The following ART4 variants were observed in gnomAD, a reference collection of about 807,000 sequenced individuals.
The protein encoded by ART4 is ecto-ADP-ribosyltransferase 4.
In ART4, 14 loss-of-function variants were observed where a neutral mutation model predicts 24.2. The observed-to-expected ratio is 0.58, with a 90% CI of 0.38 to 0.90. The LOEUF (loss-of-function observed/expected upper bound fraction) is 0.90. Ranked by LOEUF, ART4 falls within the 40% of genes least tolerant of loss-of-function variation. The pLI is 0.00. For synonymous variants in ART4, 145 were observed against 139.9 expected (o/e 1.04, Z -0.26); for missense variants, 356 against 366.6 (o/e 0.97, Z 0.24).
At chr12:14,836,959 G>T (rs1164978041) in intron 2 of ART4, among the ~76,000 whole-genome samples, 2 of 152,052 alleles carry the variant, frequency 1.3e-5, no homozygotes, top group Non-Finnish European at 2.9e-5. Context: ...GAATCACCAA[G>T]ATCACTATTC....
Position 14,831,045 on chromosome 12 carries a change from C to T in ART4, c.854-1583G>A, listed in dbSNP as rs541134414. Among the ~76,000 whole-genome samples the T allele has an allele frequency of 2.6e-5, 4 of 151,986 alleles. No homozygotes were observed. The South Asian group carries it at 6.2e-4, about 24-fold the overall frequency. ...GAGCTTAAGGGTCTCTGTTAGGCCA[C>T]ACAGTAAGTGACAGAGCCAGTATTT... On this transcript the variant is annotated intron_variant, in intron 2 of 2. Coordinates refer to ENST00000228936, the MANE Select transcript of ART4 (RefSeq NM_021071.4).
Position 14,828,791 on chromosome 12 carries a change from A to C in ART4, c.*580T>G, listed in dbSNP as rs1410849646. 6.6e-6 allele frequency: 1 copy of C among 152,196 alleles called. No homozygotes were observed. The highest frequency in any genetic ancestry group is 2.1e-4 in the South Asian group (1 of 4,828). The allele number at this position is 152,196 out of a possible 1,614,324, so 9.4% of individuals were successfully genotyped here. ...CAAAGTTGGATCCAGAGGCTTATAC[A>C]TTCTCATCAGGTCTCAGTTTCTTTT... On this transcript the variant is annotated 3_prime_UTR_variant, in exon 3 of 3. Coordinates refer to ENST00000228936, the MANE Select transcript of ART4 (RefSeq NM_021071.4).
chr12:14,839,368 C>G (rs1291159629), intron 2 of ART4, among the ~76,000 whole-genome samples: 2 of 152,294 alleles, frequency 1.3e-5, no homozygotes, highest in Non-Finnish European at 2.9e-5. Flanking sequence ...TATGCTGTGT[C>G]TTAGTCTGTT....
At chr12:14,836,786 C>T (rs369472181) in intron 2 of ART4, among the ~76,000 whole-genome samples, 6 of 152,162 alleles carry the variant, frequency 3.9e-5, no homozygotes, top group South Asian at 2.1e-4. Context: ...CAGATAGTTT[C>T]GTAGCTGTGG....
chr12:14,833,993 C>T (rs1950412810), intron 2 of ART4, among the ~76,000 whole-genome samples: 1 of 152,202 alleles, frequency 6.6e-6, no homozygotes, highest in Non-Finnish European at 1.5e-5. Context: ...TATCCCACTT[C>T]CATGTGCAAA....
At position 14,836,231 on chromosome 12, in the gene ART4, A is replaced by T. The variant is rs560479380; in HGVS notation, c.853+4214T>A. 3.3e-5 allele frequency among the ~76,000 whole-genome samples: 5 copies of T among 152,254 alleles called. No individual in the cohort carries two copies. In the East Asian group the frequency reaches 9.6e-4, roughly 29 times the overall value. ...TACAATTTTTTCTTTCTTTCTATTA[A>T]GTTGAGAACTTTAAACTTTTCATTC... On this transcript the variant is annotated intron_variant, in intron 2 of 2. Coordinates refer to ENST00000228936, the MANE Select transcript of ART4 (RefSeq NM_021071.4).
At chr12:14,830,777 G>T (rs1396214243) in intron 2 of ART4, among the ~76,000 whole-genome samples, 1 of 144,022 alleles carries the variant, frequency 6.9e-6, no homozygotes, top group Non-Finnish European at 1.5e-5. Flanking sequence ...TAATTTTCAA[G>T]ACCTCAATTT....
At chr12:14,837,703 C>T (rs1337017952) in intron 2 of ART4, among the ~76,000 whole-genome samples, 2 of 151,990 alleles carry the variant, frequency 1.3e-5, no homozygotes, top group East Asian at 1.9e-4. Flanking sequence ...TTTGTAGAGA[C>T]GAGGTTTCAC....
intron 2 of ART4, among the ~76,000 whole-genome samples, chr12:14,836,716 A>G (rs1950433476): frequency 6.6e-6 from 1 of 152,172 alleles, no homozygotes; most frequent in African/African-American, 2.4e-5. Flanking sequence ...AGAGTCTGGG[A>G]TCAAAGGAAG....
At chr12:14,833,612 A>T (rs193079718) in intron 2 of ART4, among the ~76,000 whole-genome samples, 112 of 152,350 alleles carry the variant, frequency 7.4e-4, no homozygotes, top group Middle Eastern at 3.4e-3. Context: ...ATATCATTTT[A>T]TCAGTGTATT....
chr12:14,826,800 C>T lies in ART4; in HGVS notation c.*2571G>A, dbSNP rs2137294720. 1 of 152,324 alleles carries T rather than the reference C, an allele frequency of 6.6e-6. No homozygotes were observed. Among genetic ancestry groups the T allele is most frequent in the African/African-American group, 2.4e-5 (1 of 41,566 alleles). 9.4% of individuals were successfully genotyped at this position (152,324 alleles called of 1,614,324 possible). A position where few individuals can be genotyped will look rare whatever the true frequency, so the allele number is the denominator to read the frequency against. On this transcript the variant is annotated 3_prime_UTR_variant, in exon 3 of 3. Coordinates refer to ENST00000228936, the MANE Select transcript of ART4 (RefSeq NM_021071.4). ...CATCATCTCTGATAGAAAGCTTTAT[C>T]TAACCATAGGCCAGAGGAATCACAT...
chr12:14,830,536 AGTGTGTGTGTGTGTGTGTGTGT>A (rs55694373), intron 2 of ART4, among the ~76,000 whole-genome samples: 11 of 124,160 alleles, frequency 8.9e-5, no homozygotes, highest in Non-Finnish European at 1.4e-4. Context: ...TCTATATAGG[AGTGTGTGTGTGTGTGTGTGTGT>A]GTGTGTGTGT....
intron 2 of ART4, among the ~76,000 whole-genome samples, chr12:14,835,569 CA>C (rs1365204360): frequency 1.3e-5 from 2 of 151,930 alleles, no homozygotes; most frequent in Non-Finnish European, 2.9e-5. Context: ...AAACAAACAA[CA>C]CTGTAGCGAA....
Position 14,826,757 on chromosome 12 carries a change from G to A in ART4, c.*2614C>T, listed in dbSNP as rs1950362398. 6.6e-6 allele frequency: 1 copy of A among 152,068 alleles called. No homozygotes were observed. The highest frequency in any genetic ancestry group is 1.5e-5 in the Non-Finnish European group (1 of 68,026). 9.4% of individuals were successfully genotyped at this position (152,068 alleles called of 1,614,324 possible). The stretch of plus-strand genomic sequence containing the variant: ...CATTCCGTATTCGCTTCTATTTTCT[G>A]CTTTCCTCTAAGTAAAACATCATCT... On this transcript the variant is annotated 3_prime_UTR_variant, in exon 3 of 3. Transcript: ENST00000228936.
intron 2 of ART4, among the ~76,000 whole-genome samples, chr12:14,838,351 C>T (rs1189018087): frequency 6.6e-6 from 1 of 152,202 alleles, no homozygotes; most frequent in East Asian, 1.9e-4. Context: ...TATAAATCTT[C>T]TGTAATTTTT....
intron 1 of ART4, among the ~76,000 whole-genome samples, chr12:14,841,692 C>A (rs917430514): frequency 1.2e-4 from 18 of 152,136 alleles, no homozygotes; most frequent in African/African-American, 4.3e-4. Context: ...AATATGAAAG[C>A]CAAAATATCT....
chr12:14,840,364 A>G, intron 2 of ART4, 81 bp downstream of exon 2: 3 of 1,251,134 alleles, frequency 2.4e-6, no homozygotes, highest in Non-Finnish European at 3.3e-6. Context: ...TCTTTCCCCA[A>G]AAACCCACTG....
intron 2 of ART4, among the ~76,000 whole-genome samples, chr12:14,839,359 A>G (rs557609987): frequency 7.2e-5 from 11 of 152,310 alleles, no homozygotes; most frequent in African/African-American, 2.6e-4. Flanking sequence ...TGATTAACAT[A>G]TGCTGTGTCT....
intron 2 of ART4, among the ~76,000 whole-genome samples, chr12:14,837,816 A>G (rs1325928030): frequency 1.3e-5 from 2 of 152,166 alleles, no homozygotes; most frequent in Non-Finnish European, 2.9e-5. Flanking sequence ...CACTTGGCCA[A>G]TAATTTTACA....
Sources: allele counts gnomAD v4.1 joint callset (sites outside exome capture counted in the v4.1 genomes callset), GRCh38; gene constraint gnomAD v4.1.1; transcripts MANE v1.5; gene names NCBI Gene and HGNC (gene_info 2026-07-23, HGNC 2026-07-21).